GRM8: variants seen among roughly 807,000 people sequenced by gnomAD.
The protein encoded by GRM8 is metabotropic glutamate receptor 8.
In GRM8, 47 loss-of-function variants were observed where a neutral mutation model predicts 87.2. That is an observed-to-expected ratio of 0.54 (90% CI 0.43 to 0.69). The LOEUF (loss-of-function observed/expected upper bound fraction) is 0.69, where lower values mean the gene tolerates loss of function less well. GRM8 is among the 30% of genes least tolerant of loss of function. GRM8 has a pLI of 0.00. For synonymous variants in GRM8, 396 were observed against 404.5 expected, an observed-to-expected ratio of 0.98 and a Z score of 0.25; for missense variants, 1,019 against 1,139.2, an observed-to-expected ratio of 0.89 and a Z score of 1.52.
chr7:127,004,687 C>T (rs1273113370), intron 3 of GRM8, among the ~76,000 whole-genome samples: 1 of 151,540 alleles, frequency 6.6e-6, no homozygotes, highest in Non-Finnish European at 1.5e-5. Context: ...TTCTTGCTAT[C>T]CATCCTTTTA....
intron 3 of GRM8, among the ~76,000 whole-genome samples, chr7:127,041,133 T>C (rs1408112348): frequency 2.0e-5 from 3 of 152,188 alleles, no homozygotes; most frequent in African/African-American, 7.2e-5. Context: ...AGGGGGTAAA[T>C]TACCCAGAGC....
intron 2 of GRM8, among the ~76,000 whole-genome samples, chr7:127,189,569 C>T (rs1469714144): frequency 6.6e-6 from 1 of 152,130 alleles, no homozygotes; most frequent in African/African-American, 2.4e-5. Context: ...AGTCTGTGGC[C>T]TAATGACTGT....
At chr7:127,055,537 A>G (rs1279942063) in intron 3 of GRM8, among the ~76,000 whole-genome samples, 2 of 152,190 alleles carry the variant, frequency 1.3e-5, no homozygotes, top group African/African-American at 4.8e-5. Context: ...CAAACCTGAA[A>G]GAAAATAAAT....
rs772858943 is a variant in GRM8, at chr7:126,533,623, G to A, written c.1759C>T (p.Pro587Ser). The change falls in exon 9 of 11, where the codon CCT becomes TCT. Residue 587 changes from proline (P) to serine (S), a missense_variant. By Grantham distance (74) the Pro-to-Ser change is moderately conservative. Coordinates refer to ENST00000339582, the MANE Select transcript of GRM8 (RefSeq NM_000845.3). ...LEWHSPWAVV[P>S]VFVAILGIIA... Reference sequence around the variant, plus strand: ...ATTCCCAATATTGCAACAAACACAGGCACCACAGCCCAGGGAGAATGCCAC... The same window carrying A: ...ATTCCCAATATTGCAACAAACACAGACACCACAGCCCAGGGAGAATGCCAC... The A allele has an allele frequency of 2.5e-6, 4 of 1,613,954 alleles. No individual in the cohort carries two copies. Among genetic ancestry groups the A allele is most frequent in the Non-Finnish European group, 3.4e-6 (4 of 1,179,988 alleles).
chr7:127,152,039 G>A (rs757684493), intron 2 of GRM8, among the ~76,000 whole-genome samples: 1 of 152,144 alleles, frequency 6.6e-6, no homozygotes, highest in East Asian at 1.9e-4. Flanking sequence ...TTGAAAATAG[G>A]GAAACTGCTA....
chr7:126,976,427 T>C (rs1172410885), intron 3 of GRM8, among the ~76,000 whole-genome samples: 1 of 152,224 alleles, frequency 6.6e-6, no homozygotes, highest in East Asian at 1.9e-4. Context: ...AACCCGTCTC[T>C]ACTAAAAATA....
At chr7:127,007,015 G>A (rs562750467) in intron 3 of GRM8, among the ~76,000 whole-genome samples, 4 of 151,990 alleles carry the variant, frequency 2.6e-5, no homozygotes, top group South Asian at 2.1e-4. Flanking sequence ...AACTGAAGTC[G>A]AGTAGACACT....
At position 127,059,665 on chromosome 7, in the gene GRM8, T is replaced by A. The variant is rs17865203; in HGVS notation, c.727+46831A>T. 6.3e-3 allele frequency among the ~76,000 whole-genome samples: 954 copies of A among 152,274 alleles called. 16 individuals are homozygous for A. Among genetic ancestry groups the A allele is most frequent in the African/African-American group, 0.022 (910 of 41,554 alleles). ...TAAATGATTTTTAAGAGGTACTGAC[T>A]CACACTCATATTACCATAATCCTTC... On this transcript the variant is annotated intron_variant, in intron 3 of 10. Coordinates refer to ENST00000339582, the MANE Select transcript of GRM8 (RefSeq NM_000845.3).
intron 6 of GRM8, among the ~76,000 whole-genome samples, chr7:126,833,293 C>T (rs558006341): frequency 2.2e-4 from 33 of 152,278 alleles, no homozygotes; most frequent in Admixed American, 1.8e-3. Flanking sequence ...CAACTATTTG[C>T]GAGAACTTAT....
intron 7 of GRM8, among the ~76,000 whole-genome samples, chr7:126,761,516 A>G (rs1374244010): frequency 1.3e-5 from 2 of 152,230 alleles, no homozygotes; most frequent in Non-Finnish European, 1.5e-5. Context: ...TCTTAAACAT[A>G]CCATCGCTGC....
At chr7:127,212,370 A>G (rs1185607730) in intron 2 of GRM8, among the ~76,000 whole-genome samples, 1 of 150,876 alleles carries the variant, frequency 6.6e-6, no homozygotes, top group Non-Finnish European at 1.5e-5. Flanking sequence ...GCCTGATAAT[A>G]CAGCTTTTGT....
intron 6 of GRM8, among the ~76,000 whole-genome samples, chr7:126,898,601 T>G (rs939122454): frequency 2.6e-5 from 4 of 152,186 alleles, no homozygotes; most frequent in African/African-American, 7.2e-5. Context: ...GTTATAATTT[T>G]AGCAACACCC....
intron 3 of GRM8, among the ~76,000 whole-genome samples, chr7:126,937,526 C>G (rs760215785): frequency 6.6e-6 from 1 of 152,192 alleles, no homozygotes; most frequent in Admixed American, 6.5e-5. Flanking sequence ...GGCATATTAT[C>G]TAACACCCAC....
chr7:126,559,075 G>A (rs1351991489), intron 8 of GRM8, among the ~76,000 whole-genome samples: 1 of 151,870 alleles, frequency 6.6e-6, no homozygotes, highest in Non-Finnish European at 1.5e-5. Flanking sequence ...AGGGAAATGG[G>A]CTCCAGATGG....
At chr7:126,982,935 T>C (rs1323879050) in intron 3 of GRM8, among the ~76,000 whole-genome samples, 1 of 152,182 alleles carries the variant, frequency 6.6e-6, no homozygotes, top group Non-Finnish European at 1.5e-5. Flanking sequence ...TCACAGGGCA[T>C]GGTAATACTA....
chr7:126,594,720 TAA>T (rs1366597470), intron 8 of GRM8, among the ~76,000 whole-genome samples: 3 of 152,156 alleles, frequency 2.0e-5, no homozygotes, highest in Non-Finnish European at 4.4e-5. Context: ...AGAGTGGATA[TAA>T]AGTGTTCTTA....
chr7:126,576,888 T>C (rs1012787257), intron 8 of GRM8, among the ~76,000 whole-genome samples: 1 of 152,186 alleles, frequency 6.6e-6, no homozygotes, highest in South Asian at 2.1e-4. Context: ...CTCTGTTGTA[T>C]CCTTTCTAGG....
At chr7:127,216,264 A>G (rs1043461775) in intron 2 of GRM8, among the ~76,000 whole-genome samples, 12 of 152,158 alleles carry the variant, frequency 7.9e-5, no homozygotes, top group African/African-American at 2.7e-4. Flanking sequence ...CACGCCTGTA[A>G]TCTCAGCACT....
At chr7:126,850,913 T>C (rs1032248810) in intron 6 of GRM8, among the ~76,000 whole-genome samples, 2 of 152,168 alleles carry the variant, frequency 1.3e-5, no homozygotes, top group South Asian at 4.1e-4. Context: ...TGCTTTTGTC[T>C]AATCTCATCT....
Sources: allele counts gnomAD v4.1 joint callset (sites outside exome capture counted in the v4.1 genomes callset), GRCh38; gene constraint gnomAD v4.1.1; transcripts MANE v1.5; gene names NCBI Gene and HGNC (gene_info 2026-07-23, HGNC 2026-07-21).